The following SHISA9 variants were observed in gnomAD, a reference collection of about 807,000 sequenced individuals.
SHISA9 encodes the protein protein shisa-9.
Under a neutral mutation model 38.0 loss-of-function variants are expected in SHISA9, and 13 were observed. The ratio of observed to expected loss-of-function variants is 0.34; its 90% CI spans 0.22 to 0.54. The LOEUF (loss-of-function observed/expected upper bound fraction) is 0.54. SHISA9 is among the 20% of genes least tolerant of loss of function. SHISA9 has a pLI of 0.91. For synonymous variants in SHISA9, 275 were observed against 242.0 expected (o/e 1.14, Z -1.27); for missense variants, 538 against 575.8 (o/e 0.93, Z 0.67).
At chr16:12,966,173 G>T (rs1450510244) in intron 2 of SHISA9, among the ~76,000 whole-genome samples, 5 of 152,176 alleles carry the variant, frequency 3.3e-5, no homozygotes, top group Non-Finnish European at 7.3e-5. Context: ...TCCCTGGTTG[G>T]GCACCACTGG....
At chr16:13,483,540 G>C in the SHISA9 span, among the ~76,000 whole-genome samples, 1 of 152,038 alleles carries the variant, frequency 6.6e-6, no homozygotes, top group Non-Finnish European at 1.5e-5. Flanking sequence ...AGCTTCCATA[G>C]CCTTTTTCCA....
At chr16:13,221,270 A>C (rs1235821277) in intron 4 of SHISA9, among the ~76,000 whole-genome samples, 1 of 152,118 alleles carries the variant, frequency 6.6e-6, no homozygotes, top group Non-Finnish European at 1.5e-5. Context: ...GGTGAAGTGC[A>C]ACTAATTCAC....
intron 2 of SHISA9, among the ~76,000 whole-genome samples, chr16:13,075,415 A>G (rs2073569117): frequency 6.6e-6 from 1 of 152,140 alleles, no homozygotes; most frequent in African/African-American, 2.4e-5. Flanking sequence ...TGAGTACGTC[A>G]TCATGCCTTG....
chr16:13,065,358 C>T (rs2073422194), intron 2 of SHISA9, among the ~76,000 whole-genome samples: 1 of 152,172 alleles, frequency 6.6e-6, no homozygotes, highest in South Asian at 2.1e-4. Flanking sequence ...TGGATACCAG[C>T]TCAATGTTGG....
chr16:13,544,613 A>G, the SHISA9 span, among the ~76,000 whole-genome samples: 4 of 151,988 alleles, frequency 2.6e-5, no homozygotes, highest in African/African-American at 7.2e-5. Context: ...ATTTTGGAGC[A>G]ACCACCTTTT....
chr16:13,051,002 G>C (rs1257166346), intron 2 of SHISA9, among the ~76,000 whole-genome samples: 1 of 152,210 alleles, frequency 6.6e-6, no homozygotes, highest in East Asian at 1.9e-4. Flanking sequence ...TTTGTCATCT[G>C]AACAGTGAGG....
At chr16:13,538,522 T>C in the SHISA9 span, among the ~76,000 whole-genome samples, 1 of 152,236 alleles carries the variant, frequency 6.6e-6, no homozygotes, top group Non-Finnish European at 1.5e-5. Context: ...TTTTAAACTT[T>C]CAACTAAGTT....
intron 2 of SHISA9, among the ~76,000 whole-genome samples, chr16:13,152,549 G>A (rs1009651570): frequency 3.3e-5 from 5 of 152,184 alleles, no homozygotes; most frequent in African/African-American, 1.2e-4. Context: ...AGCATATCCT[G>A]TCACTGAAAT....
the SHISA9 span, among the ~76,000 whole-genome samples, chr16:13,281,926 A>T: frequency 5.3e-5 from 8 of 151,680 alleles, no homozygotes; most frequent in African/African-American, 1.7e-4. Flanking sequence ...TACTTGTTTT[A>T]TAATTTTACT....
chr16:13,408,996 C>T, the SHISA9 span, among the ~76,000 whole-genome samples: 1 of 152,172 alleles, frequency 6.6e-6, no homozygotes, highest in East Asian at 1.9e-4. Context: ...TTTTGGCCTG[C>T]CACACCCCAC....
chr16:13,096,266 G>A (rs1056823024), intron 2 of SHISA9, among the ~76,000 whole-genome samples: 1 of 152,184 alleles, frequency 6.6e-6, no homozygotes, highest in African/African-American at 2.4e-5. Context: ...ATTATGTACT[G>A]AGCATGTACT....
chr16:13,201,029 A>C (rs2142052219), intron 2 of SHISA9, among the ~76,000 whole-genome samples: 1 of 135,230 alleles, frequency 7.4e-6, no homozygotes, highest in South Asian at 2.3e-4. Flanking sequence ...ATAAACACAC[A>C]CCTCTAAGGT....
rs138698865 is a variant in SHISA9 at position 13,062,231 on chromosome 16, G to C, written c.692-141163G>C. Among the ~76,000 whole-genome samples the C allele has an allele frequency of 2.8e-3, 428 of 152,208 alleles. 1 individual carries two copies. The highest frequency in any genetic ancestry group is 9.5e-3 in the African/African-American group (394 of 41,520). On this transcript the variant is annotated intron_variant, in intron 2 of 4. Coordinates refer to ENST00000558583, the MANE Select transcript of SHISA9 (RefSeq NM_001145204.3). ...TTGTTTATCTGAAATGCACATTTAA[G>C]TGGGAGTCCTGTGTCTCTAGTTGCC...
At chr16:13,227,094 A>G (rs1004771372) in intron 4 of SHISA9, among the ~76,000 whole-genome samples, 2 of 152,200 alleles carry the variant, frequency 1.3e-5, no homozygotes, top group Admixed American at 1.3e-4. Flanking sequence ...GGCAGGATGA[A>G]TGCCTGCCTC....
intron 2 of SHISA9, among the ~76,000 whole-genome samples, chr16:12,987,254 A>T (rs1431353085): frequency 6.6e-6 from 1 of 152,202 alleles, no homozygotes; most frequent in African/African-American, 2.4e-5. Flanking sequence ...GAAAGGTTCA[A>T]ATTGTATATT....
At chr16:13,529,257 C>T in the SHISA9 span, among the ~76,000 whole-genome samples, 1 of 152,196 alleles carries the variant, frequency 6.6e-6, no homozygotes, top group Non-Finnish European at 1.5e-5. Context: ...CTCACACACC[C>T]CAAAAGGTCA....
intron 2 of SHISA9, chr16:13,082,405 G>A (rs1235309659): frequency 6.6e-6 from 1 of 152,112 alleles, no homozygotes; most frequent in Non-Finnish European, 1.5e-5. Flanking sequence ...ACCTCTTGGT[G>A]GGTCATCGTA....
At chr16:13,224,279 C>G (rs187639008) in intron 4 of SHISA9, among the ~76,000 whole-genome samples, 1 of 152,274 alleles carries the variant, frequency 6.6e-6, no homozygotes, top group Admixed American at 6.5e-5. Context: ...TTTATTCTAC[C>G]TCCCTTCCCC....
intron 2 of SHISA9, among the ~76,000 whole-genome samples, chr16:12,973,714 T>G (rs1163480435): frequency 6.6e-6 from 1 of 152,216 alleles, no homozygotes; most frequent in East Asian, 1.9e-4. Context: ...TAAGAAATTT[T>G]AAACTATAAA....
Sources: allele counts gnomAD v4.1 joint callset (sites outside exome capture counted in the v4.1 genomes callset), GRCh38; gene constraint gnomAD v4.1.1; transcripts MANE v1.5; gene names NCBI Gene and HGNC (gene_info 2026-07-23, HGNC 2026-07-21).